LYZL4: variants seen among roughly 807,000 people sequenced by gnomAD.
LYZL4 encodes lysozyme like 4.
Under a neutral mutation model 17.6 loss-of-function variants are expected in LYZL4, and 13 were observed. The observed-to-expected ratio is 0.74, with a 90% CI of 0.48 to 1.18. The LOEUF (loss-of-function observed/expected upper bound fraction) is 1.18, where lower values mean the gene tolerates loss of function less well. LYZL4 is among the 50% of genes most tolerant of loss of function. The pLI is 0.00. For missense variants in LYZL4, 174 were observed against 188.2 expected (o/e 0.92, Z 0.44); for synonymous variants, 64 against 67.7 (o/e 0.95, Z 0.27).
chr3:42,378,202 C>T, the LYZL4 span, among the ~76,000 whole-genome samples: 2 of 152,122 alleles, frequency 1.3e-5, no homozygotes, highest in African/African-American at 4.8e-5. Flanking sequence ...CATTCCATTC[C>T]CATCTCCCCT....
chr3:42,370,290 C>A, the LYZL4 span, among the ~76,000 whole-genome samples: 1 of 150,754 alleles, frequency 6.6e-6, no homozygotes, highest in African/African-American at 2.4e-5. Context: ...ACACCACCCA[C>A]CCCCAACCAT....
At chr3:42,365,628 C>T in the LYZL4 span, among the ~76,000 whole-genome samples, 16 of 152,170 alleles carry the variant, frequency 1.1e-4, no homozygotes, top group South Asian at 2.1e-4. Flanking sequence ...AAGCAAGTCA[C>T]GTAGCTAGGT....
chr3:42,364,341 C>CTTTTTTTTTT, the LYZL4 span, among the ~76,000 whole-genome samples: 1 of 119,892 alleles, frequency 8.3e-6, no homozygotes, highest in African/African-American at 3.3e-5. Flanking sequence ...TTTTTCTTTT[C>CTTTTTTTTTT]TTTTTTTTTT....
the LYZL4 span, among the ~76,000 whole-genome samples, chr3:42,381,480 G>T: frequency 6.6e-6 from 1 of 152,174 alleles, no homozygotes; most frequent in South Asian, 2.1e-4. Flanking sequence ...AGTGATCAAA[G>T]TCAACTGGCT....
the LYZL4 span, among the ~76,000 whole-genome samples, chr3:42,362,110 G>A: frequency 6.6e-6 from 1 of 152,008 alleles, no homozygotes; most frequent in South Asian, 2.1e-4. Context: ...ATAAAACACT[G>A]AATAAACAGA....
At chr3:42,385,791 A>C in the LYZL4 span, among the ~76,000 whole-genome samples, 1 of 152,216 alleles carries the variant, frequency 6.6e-6, no homozygotes, top group Admixed American at 6.5e-5. Flanking sequence ...AAAGGATTAT[A>C]ATATTGAGGG....
downstream of LYZL4, among the ~76,000 whole-genome samples, chr3:42,393,023 A>G (rs1272616988): frequency 6.6e-6 from 1 of 152,082 alleles, no homozygotes; most frequent in African/African-American, 2.4e-5. Context: ...TGGTGGAAAA[A>G]TAGTGAGCCA....
intron 3 of LYZL4, 26 bp downstream of exon 3, chr3:42,406,820 C>T (rs369828229): frequency 2.1e-5 from 34 of 1,612,212 alleles, no homozygotes; most frequent in South Asian, 1.5e-4. Flanking sequence ...CCAGTGCCCC[C>T]GCACGGAATG....
the LYZL4 span, among the ~76,000 whole-genome samples, chr3:42,386,406 C>G: frequency 0.028 from 3,775 of 134,844 alleles, 424 homozygotes; most frequent in African/African-American, 0.097. Flanking sequence ...CCCCCCCCCC[C>G]CCCCCCGCCT....
intron 3 of LYZL4, among the ~76,000 whole-genome samples, chr3:42,405,261 G>T (rs555720853): frequency 3.1e-4 from 47 of 152,294 alleles, no homozygotes; most frequent in African/African-American, 1.1e-3. Flanking sequence ...TGTTAGCCAG[G>T]ATGGTCCCGA....
At chr3:42,381,310 AT>A in the LYZL4 span, among the ~76,000 whole-genome samples, 81,321 of 151,994 alleles carry the variant, frequency 0.54, 23,341 homozygotes, top group East Asian at 0.84. Context: ...GAAATTTTGA[AT>A]TTTTTTCAGA....
rs969683250 is a variant in LYZL4 at position 42,400,111 on chromosome 3, CAA to C, written c.372-2779_372-2778del. Among the ~76,000 whole-genome samples the C allele has an allele frequency of 2.5e-4, 38 of 152,294 alleles. 1 individual carries two copies. In the South Asian group the frequency reaches 5.0e-3, roughly 20 times the overall value. On this transcript the variant is annotated intron_variant, in intron 4 of 4. Transcript: ENST00000287748. The stretch of plus-strand genomic sequence containing the variant: ...ATAACCTTCTGGATCAGATTCTGGA[CAA>C]AGTCTCTGCTGCCTTCAGGGCACAT...
At chr3:42,409,494 A>C (rs371891574) in intron 1 of LYZL4, among the ~76,000 whole-genome samples, 10 of 152,318 alleles carry the variant, frequency 6.6e-5, no homozygotes, top group African/African-American at 7.2e-5. Context: ...CAGGGCAGGC[A>C]TCATCTCAAC....
chr3:42,403,292 C>T (rs1323514018), intron 4 of LYZL4, among the ~76,000 whole-genome samples: 5 of 151,232 alleles, frequency 3.3e-5, no homozygotes, highest in South Asian at 2.1e-4. Flanking sequence ...TGGAGTCTCA[C>T]TCTTTTGCCC....
chr3:42,364,632 A>T, the LYZL4 span, among the ~76,000 whole-genome samples: 7 of 152,196 alleles, frequency 4.6e-5, no homozygotes, highest in East Asian at 9.7e-4. Context: ...GGCATGAGCC[A>T]CTGTGCTTGC....
the LYZL4 span, among the ~76,000 whole-genome samples, chr3:42,376,307 T>C: frequency 6.6e-6 from 1 of 152,116 alleles, no homozygotes; most frequent in Non-Finnish European, 1.5e-5. Context: ...GGCTGAACAT[T>C]GTTGGTGCCC....
the LYZL4 span, among the ~76,000 whole-genome samples, chr3:42,371,123 C>T: frequency 8.5e-5 from 13 of 152,188 alleles, no homozygotes; most frequent in Non-Finnish European, 1.8e-4. Context: ...CCTGATTCTC[C>T]CCTGGAACTC....
chr3:42,366,433 T>C, the LYZL4 span, among the ~76,000 whole-genome samples: 1 of 152,134 alleles, frequency 6.6e-6, no homozygotes, highest in Non-Finnish European at 1.5e-5. Context: ...AGGCAGAAGC[T>C]ATGCCACTGC....
At chr3:42,401,381 T>C (rs1698650012) in intron 4 of LYZL4, among the ~76,000 whole-genome samples, 2 of 151,882 alleles carry the variant, frequency 1.3e-5, no homozygotes, top group South Asian at 4.2e-4. Flanking sequence ...CGGCTAATTT[T>C]TGCATTTTTT....
Sources: allele counts gnomAD v4.1 joint callset (sites outside exome capture counted in the v4.1 genomes callset), GRCh38; gene constraint gnomAD v4.1.1; transcripts MANE v1.5; gene names NCBI Gene and HGNC (gene_info 2026-07-23, HGNC 2026-07-21).